The following GABRG3 variants were observed in gnomAD, a reference collection of about 807,000 sequenced individuals.
GABRG3 encodes the protein gamma-aminobutyric acid receptor subunit gamma-3.
In GABRG3, 25 loss-of-function variants were observed where a neutral mutation model predicts 48.8. The ratio of observed to expected loss-of-function variants is 0.51; its 90% CI spans 0.37 to 0.72. GABRG3 has a LOEUF of 0.72. Among genes scored for constraint, GABRG3 ranks in the 30% least tolerant of loss-of-function variants. The pLI is 0.00. For missense variants in GABRG3, 394 were observed against 577.9 expected (o/e 0.68, Z 3.26); for synonymous variants, 227 against 217.6 (o/e 1.04, Z -0.38).
Position 27,160,095 on chromosome 15 carries a change from T to C in GABRG3, c.270+133274T>C, listed in dbSNP as rs953998706. On this transcript the variant is annotated intron_variant, in intron 3 of 9. Transcript: ENST00000615808. ...CTCTTTCCTGGGTGGACTCCCTGGT[T>C]CCCCACCAGATCTTCCCAGTCTTGG... 4.6e-5 allele frequency among the ~76,000 whole-genome samples: 7 copies of C among 152,150 alleles called. 1 individual carries two copies. Among genetic ancestry groups the C allele is most frequent in the Non-Finnish European group, 7.4e-5 (5 of 68,022 alleles).
intron 3 of GABRG3, among the ~76,000 whole-genome samples, chr15:27,279,487 C>A (rs1279775379): frequency 1.3e-5 from 2 of 152,128 alleles, no homozygotes; most frequent in Admixed American, 1.3e-4. Flanking sequence ...CTATGGATAT[C>A]CAAGTGCTCC....
At chr15:26,978,712 A>C (rs1286742512) in intron 2 of GABRG3, among the ~76,000 whole-genome samples, 3 of 128,306 alleles carry the variant, frequency 2.3e-5, no homozygotes, top group Non-Finnish European at 3.3e-5. Flanking sequence ...CAATACCCAC[A>C]ATTTTTATTA....
chr15:27,441,545 C>T (rs1466076817), intron 5 of GABRG3, among the ~76,000 whole-genome samples: 1 of 152,210 alleles, frequency 6.6e-6, no homozygotes, highest in East Asian at 1.9e-4. Context: ...AATCATGTCT[C>T]TTCTCCTCTC....
intron 7 of GABRG3, 45 bp downstream of exon 7, chr15:27,520,169 A>G (rs1317315532): frequency 8.5e-6 from 13 of 1,523,292 alleles, no homozygotes; most frequent in East Asian, 2.3e-5. Context: ...TAATTGTAAT[A>G]TAGAAGCATT....
intron 3 of GABRG3, among the ~76,000 whole-genome samples, chr15:27,066,380 C>T (rs866737115): frequency 6.6e-5 from 10 of 152,254 alleles, no homozygotes; most frequent in African/African-American, 2.4e-4. Flanking sequence ...TTCAGCGTTG[C>T]TGTTGAATGG....
chr15:27,006,605 A>T (rs760741098), intron 2 of GABRG3, among the ~76,000 whole-genome samples: 3 of 152,230 alleles, frequency 2.0e-5, no homozygotes. Context: ...TTCATCACCC[A>T]GGTAATAAGC....
chr15:27,482,345 A>G (rs1447691687), intron 6 of GABRG3, among the ~76,000 whole-genome samples: 1 of 152,228 alleles, frequency 6.6e-6, no homozygotes, highest in Admixed American at 6.5e-5. Flanking sequence ...CAAGCATGAG[A>G]AGTCACGCCC....
At chr15:27,125,786 A>G (rs1344707562) in intron 3 of GABRG3, among the ~76,000 whole-genome samples, 2 of 152,254 alleles carry the variant, frequency 1.3e-5, no homozygotes, top group Non-Finnish European at 2.9e-5. Flanking sequence ...CATGCGCCAC[A>G]TAGCAACTGG....
At chr15:27,523,737 T>A (rs929144944) in intron 7 of GABRG3, among the ~76,000 whole-genome samples, 11 of 151,910 alleles carry the variant, frequency 7.2e-5, no homozygotes, top group Admixed American at 6.6e-4. Context: ...ACTCACTGGA[T>A]GTGCTTAACA....
intron 2 of GABRG3, among the ~76,000 whole-genome samples, chr15:26,999,229 T>C (rs1895399152): frequency 6.6e-6 from 1 of 152,102 alleles, no homozygotes; most frequent in South Asian, 2.1e-4. Context: ...GCATTTACAT[T>C]GTATTAGGTA....
chr15:27,400,971 T>G (rs1402174156), intron 5 of GABRG3, among the ~76,000 whole-genome samples: 2 of 152,210 alleles, frequency 1.3e-5, no homozygotes, highest in Non-Finnish European at 2.9e-5. Context: ...TAGACAGAAT[T>G]TGGAGGGAAT....
Position 27,527,416 on chromosome 15 carries a change from ACCCGTCC to A in GABRG3, c.866-14_866-8del. On this transcript the variant is annotated splice_polypyrimidine_tract_variant and intron_variant, in intron 7 of 9. Transcript: ENST00000615808. ...GTGTTGCACCCTTTTACAACATGCT[ACCCGTCC>A]CCTGTTCAGGCATCACCACGGTGCT... 1 of 1,609,646 alleles carries A rather than the reference ACCCGTCC, an allele frequency of 6.2e-7. No homozygotes were observed. Among genetic ancestry groups the A allele is most frequent in the Non-Finnish European group, 8.5e-7 (1 of 1,177,484 alleles).
chr15:27,077,176 G>A (rs937373305), intron 3 of GABRG3, among the ~76,000 whole-genome samples: 3 of 152,176 alleles, frequency 2.0e-5, no homozygotes, highest in South Asian at 2.1e-4. Flanking sequence ...CTGGGTGTTC[G>A]TGGAGGAGAG....
chr15:27,455,515 A>G (rs1889241870), intron 5 of GABRG3, among the ~76,000 whole-genome samples: 1 of 149,794 alleles, frequency 6.7e-6, no homozygotes, highest in Admixed American at 6.7e-5. Flanking sequence ...GCATTTGTGT[A>G]TATGTGCATG....
chr15:27,308,961 A>G (rs1020869136), intron 3 of GABRG3, among the ~76,000 whole-genome samples: 62 of 150,806 alleles, frequency 4.1e-4, no homozygotes, highest in African/African-American at 1.4e-3. Flanking sequence ...GTTTATATGA[A>G]AACACATAAT....
chr15:27,486,428 TG>T (rs1890221385), intron 6 of GABRG3, among the ~76,000 whole-genome samples: 1 of 152,216 alleles, frequency 6.6e-6, no homozygotes, highest in Admixed American at 6.5e-5. Flanking sequence ...AGTCTTTACG[TG>T]TAGAAGCTTC....
chr15:27,325,934 G>C (rs1420072404), intron 3 of GABRG3, among the ~76,000 whole-genome samples: 1 of 152,164 alleles, frequency 6.6e-6, no homozygotes, highest in East Asian at 1.9e-4. Flanking sequence ...AATTATGCAA[G>C]ATATAAAAAT....
At chr15:27,265,897 T>TTTG (rs1890906518) in intron 3 of GABRG3, among the ~76,000 whole-genome samples, 1 of 150,486 alleles carries the variant, frequency 6.6e-6, no homozygotes, top group South Asian at 2.1e-4. Context: ...TTTTTTTTTT[T>TTTG]GAGAGTGACC....
At chr15:27,069,118 T>G (rs2140731833) in intron 3 of GABRG3, among the ~76,000 whole-genome samples, 1 of 152,354 alleles carries the variant, frequency 6.6e-6, no homozygotes, top group South Asian at 2.1e-4. Context: ...CAGCTTGCAG[T>G]TCTGTGCCAC....
Sources: gnomAD v4.1 joint callset for allele counts (sites outside exome capture counted in the v4.1 genomes callset) on GRCh38, gnomAD v4.1.1 for gene constraint, MANE v1.5 for transcripts, NCBI Gene and HGNC (gene_info 2026-07-23, HGNC 2026-07-21) for gene names.